Variants in DOCK4 observed in about 807,000 individuals in gnomAD.
DOCK4 encodes the protein dedicator of cytokinesis protein 4.
DOCK4 carries 97 observed loss-of-function variants against 268.1 expected under a neutral mutation model. The ratio of observed to expected loss-of-function variants is 0.36; its 90% CI spans 0.31 to 0.43. The LOEUF (loss-of-function observed/expected upper bound fraction) is 0.43, where lower values mean the gene tolerates loss of function less well. Ranked by LOEUF, DOCK4 falls within the 20% of genes least tolerant of loss-of-function variation. The pLI, the probability that DOCK4 is intolerant of heterozygous loss-of-function variation, is 1.00. For synonymous variants in DOCK4, 954 were observed against 887.2 expected, an observed-to-expected ratio of 1.08 and a Z score of -1.34; for missense variants, 2,145 against 2,455.7, an observed-to-expected ratio of 0.87 and a Z score of 2.67.
chr7:112,119,363 AAGGGCAAATATGTCC>A lies in DOCK4; in HGVS notation c.37+86724_37+86738del, dbSNP rs369418815. ...AGGCAGTAGGTGAAGGGGTACAATA[AAGGGCAAATATGTCC>A]AGGGCAAGACAACACTGAGGAAAGA... is the stretch of plus-strand genomic sequence containing the variant. On this transcript the variant is annotated intron_variant, in intron 1 of 52. Coordinates refer to ENST00000428084, the MANE Select transcript of DOCK4 (RefSeq NM_001363540.2). Among the ~76,000 whole-genome samples the A allele has an allele frequency of 1.1e-3, 164 of 152,248 alleles. 2 individuals are homozygous for A. Among genetic ancestry groups the A allele is most frequent in the Admixed American group, 3.0e-3 (46 of 15,292 alleles).
intron 1 of DOCK4, among the ~76,000 whole-genome samples, chr7:112,136,480 G>A (rs1409700317): frequency 1.3e-5 from 2 of 152,108 alleles, no homozygotes; most frequent in South Asian, 2.1e-4. Context: ...TAATTCACTC[G>A]CTCCCTCACA....
intron 12 of DOCK4, among the ~76,000 whole-genome samples, chr7:111,923,887 T>C (rs1406281196): frequency 6.6e-6 from 1 of 152,230 alleles, no homozygotes; most frequent in Non-Finnish European, 1.5e-5. Context: ...TCGTTTGCTA[T>C]TTAAGTAGTC....
At chr7:112,124,091 C>A (rs1812998729) in intron 1 of DOCK4, among the ~76,000 whole-genome samples, 1 of 151,872 alleles carries the variant, frequency 6.6e-6, no homozygotes, top group Admixed American at 6.6e-5. Flanking sequence ...GTGGAGCGAT[C>A]ATCATTCACT....
intron 1 of DOCK4, among the ~76,000 whole-genome samples, chr7:112,172,779 T>C (rs890784504): frequency 2.0e-5 from 3 of 152,370 alleles, no homozygotes; most frequent in East Asian, 1.9e-4. Flanking sequence ...GGAAGAACAG[T>C]AGATTATTTC....
rs565102126 is a variant in DOCK4, at chr7:111,987,592, C to T, written c.464+1423G>A. 1.2e-4 allele frequency among the ~76,000 whole-genome samples: 19 copies of T among 152,316 alleles called. No homozygotes were observed. The South Asian group carries it at 2.3e-3, about 18-fold the overall frequency. On this transcript the variant is annotated intron_variant, in intron 6 of 52. Transcript: ENST00000428084. The stretch of plus-strand genomic sequence containing the variant: ...TAATCTCCTGTGAAATTCATTCCCA[C>T]GGCAGGATAGGAAGTTCCCTGTAAA...
intron 1 of DOCK4, among the ~76,000 whole-genome samples, chr7:112,113,734 ATTTTTTTTTTTTTTTTTTTTTTTTTT>A (rs57672966): frequency 3.0e-4 from 15 of 49,548 alleles, no homozygotes; most frequent in South Asian, 1.0e-3. Context: ...TACTTGGCTG[ATTTTTTTTTTTTTTTTTTTTTTTTTT>A]TTTTTTTTTT....
At chr7:111,841,083 G>C (rs542182280) in intron 25 of DOCK4, among the ~76,000 whole-genome samples, 1 of 152,282 alleles carries the variant, frequency 6.6e-6, no homozygotes, top group South Asian at 2.1e-4. Context: ...ACCAGATACT[G>C]TTTAAACACC....
intron 1 of DOCK4, among the ~76,000 whole-genome samples, chr7:112,096,635 T>C (rs1447988732): frequency 6.6e-6 from 1 of 152,232 alleles, no homozygotes; most frequent in Non-Finnish European, 1.5e-5. Context: ...TCAATAAATA[T>C]TTCATCAGAC....
At chr7:111,883,116 T>C (rs1807550725) in intron 16 of DOCK4, among the ~76,000 whole-genome samples, 1 of 152,190 alleles carries the variant, frequency 6.6e-6, no homozygotes, top group African/African-American at 2.4e-5. Context: ...GACAGAAGAA[T>C]GCATAAAACA....
intron 42 of DOCK4, among the ~76,000 whole-genome samples, chr7:111,753,194 G>C (rs1450298103): frequency 1.2e-4 from 18 of 152,098 alleles, no homozygotes; most frequent in Admixed American, 1.2e-3. Flanking sequence ...CATTAATAAG[G>C]CTGGGCATGG....
intron 16 of DOCK4, among the ~76,000 whole-genome samples, chr7:111,879,263 T>C (rs944218309): frequency 2.0e-5 from 3 of 152,072 alleles, no homozygotes; most frequent in Admixed American, 2.0e-4. Flanking sequence ...GACTCAATCC[T>C]GGCAGGATTC....
intron 37 of DOCK4, among the ~76,000 whole-genome samples, chr7:111,769,039 C>G (rs1797947696): frequency 6.6e-6 from 1 of 152,182 alleles, no homozygotes; most frequent in African/African-American, 2.4e-5. Flanking sequence ...TGTGAAGATA[C>G]AGCAAGATGG....
Position 111,994,126 on chromosome 7 carries a change from C to T in DOCK4, c.315+9G>A. ...CCCGAAAAATCGTGTCATTAAAAAG[C>T]TACTTAACCACATAGAGTTGTTTCC... is the stretch of plus-strand genomic sequence containing the variant. On this transcript the variant is annotated intron_variant, in intron 5 of 52. Coordinates refer to ENST00000428084, the MANE Select transcript of DOCK4 (RefSeq NM_001363540.2). The T allele has an allele frequency of 1.3e-6, 2 of 1,558,892 alleles. No homozygotes were observed.
chr7:112,177,507 A>G (rs897170389), intron 1 of DOCK4, among the ~76,000 whole-genome samples: 13 of 152,224 alleles, frequency 8.5e-5, no homozygotes, highest in Non-Finnish European at 1.6e-4. Flanking sequence ...CAGTGCTAGG[A>G]AAAGAGCTGA....
chr7:111,791,405 T>C (rs1180263488), intron 30 of DOCK4, among the ~76,000 whole-genome samples: 1 of 151,616 alleles, frequency 6.6e-6, no homozygotes, highest in Non-Finnish European at 1.5e-5. Flanking sequence ...AAAAGGTGGC[T>C]AGGTGGTTCT....
intron 26 of DOCK4, among the ~76,000 whole-genome samples, chr7:111,833,062 G>A (rs1195100967): frequency 1.3e-5 from 2 of 152,102 alleles, no homozygotes; most frequent in African/African-American, 4.8e-5. Context: ...TTTCCTATGG[G>A]AAATTTTCAA....
chr7:111,901,534 G>A, intron 14 of DOCK4, 143 bp downstream of exon 14: 1 of 795,652 alleles, frequency 1.3e-6, no homozygotes, highest in Non-Finnish European at 1.9e-6. Flanking sequence ...ACTACACAGG[G>A]GTGAAGGAGA....
chr7:112,129,577 C>T (rs1813605793), intron 1 of DOCK4, among the ~76,000 whole-genome samples: 1 of 152,042 alleles, frequency 6.6e-6, no homozygotes, highest in South Asian at 2.1e-4. Context: ...AACAATGTAC[C>T]AATTTTAATA....
intron 40 of DOCK4, among the ~76,000 whole-genome samples, chr7:111,759,825 C>T (rs1797263839): frequency 6.6e-6 from 1 of 151,528 alleles, no homozygotes; most frequent in Non-Finnish European, 1.5e-5. Context: ...CCAGTAAACA[C>T]AATACTATGA....
Sources: gnomAD v4.1 joint callset for allele counts (sites outside exome capture counted in the v4.1 genomes callset) on GRCh38, gnomAD v4.1.1 for gene constraint, MANE v1.5 for transcripts, NCBI Gene and HGNC (gene_info 2026-07-23, HGNC 2026-07-21) for gene names.